The following MIF4GD variants were observed in gnomAD, a reference collection of about 807,000 sequenced individuals.
MIF4GD encodes the protein MIF4G domain-containing protein.
Under a neutral mutation model 26.7 loss-of-function variants are expected in MIF4GD, and 22 were observed. The observed-to-expected ratio is 0.82, with a 90% CI of 0.59 to 1.18. MIF4GD has a LOEUF of 1.18. Among genes scored for constraint, MIF4GD ranks in the 50% most tolerant of loss-of-function variants. The pLI is 0.00. For synonymous variants in MIF4GD, 137 were observed against 111.6 expected (o/e 1.23, Z -1.43); for missense variants, 262 against 279.6 (o/e 0.94, Z 0.45).
At chr17:75,269,453 G>A (rs1242975188) in intron 2 of MIF4GD, 1 of 1,612,966 alleles carries the variant, frequency 6.2e-7, no homozygotes, top group South Asian at 1.1e-5. Context: ...AGGCAACTGT[G>A]CATTCAAGAG....
intron 3 of MIF4GD, 55 bp downstream of exon 3, chr17:75,268,028 C>T (rs2077566434): frequency 1.2e-6 from 2 of 1,606,772 alleles, no homozygotes; most frequent in African/African-American, 1.3e-5. Flanking sequence ...GGCCTTCTGC[C>T]CACTCCTGAA....
chr17:75,268,253 G>T, intron 2 of MIF4GD, 61 bp from the exon 3 acceptor site: 1 of 1,292,654 alleles, frequency 7.7e-7, no homozygotes, highest in Non-Finnish European at 1.1e-6. Context: ...GTGTCCACCC[G>T]CTTCTAAGAA....
chr17:75,269,996 T>C (rs2077671803), intron 2 of MIF4GD, 118 bp downstream of exon 2: 7 of 822,960 alleles, frequency 8.5e-6, no homozygotes, highest in Admixed American at 6.3e-5. Context: ...TGCCGACTCC[T>C]ATCGTCAGAG....
intron 2 of MIF4GD, 72 bp from the exon 3 acceptor site, chr17:75,268,264 T>C (rs1414795756): frequency 1.7e-6 from 2 of 1,177,694 alleles, no homozygotes; most frequent in Non-Finnish European, 2.5e-6. Context: ...CTTCTAAGAA[T>C]TTGAGATATT....
At position 75,266,432 on chromosome 17, in the gene MIF4GD, T is replaced by TTA; in HGVS notation, c.*306_*307dup. On this transcript the variant is annotated 3_prime_UTR_variant, in exon 6 of 6. Coordinates refer to ENST00000325102, the MANE Select transcript of MIF4GD (RefSeq NM_001370592.1). ...CAAAATATCCCACCAGTGGCTATGCTTACCCATTTTACAGATGGGTAAACT... is the reference window on the plus strand; with the variant it reads ...CAAAATATCCCACCAGTGGCTATGCTTATACCCATTTTACAGATGGGTAAACT... 1 of 456,998 alleles carries TTA rather than the reference T, an allele frequency of 2.2e-6. No homozygotes were observed. Among genetic ancestry groups the TTA allele is most frequent in the South Asian group, 2.3e-5 (1 of 43,444 alleles). 28.3% of individuals were successfully genotyped at this position (456,998 alleles called of 1,614,324 possible). A position where few individuals can be genotyped will look rare whatever the true frequency, so the allele number is the denominator to read the frequency against.
rs765118124 is a variant in MIF4GD, at chr17:75,267,539, T to A, written c.440A>T (p.Glu147Val). The A allele has an allele frequency of 6.8e-6, 11 of 1,613,514 alleles. No homozygotes were observed. Among genetic ancestry groups the A allele is most frequent in the Admixed American group, 1.7e-5 (1 of 60,006 alleles). ...TGTGCCAGGGCTGGGGCCACCCACC[T>A]CCTCCTCCTTGCTCAAACTGTCTGG... ...AQPDSLSKEEEVDCLVLQLHR... is the reference protein window; with the variant it reads ...AQPDSLSKEEVVDCLVLQLHR... The change falls in exon 5 of 6, where the codon GAG (glutamate) becomes GTG (valine). Residue 147 changes from glutamate to valine, a missense_variant and splice_region_variant. Transcript: ENST00000325102.
At chr17:75,269,283 G>T in intron 2 of MIF4GD, 1 of 1,592,240 alleles carries the variant, frequency 6.3e-7, no homozygotes, top group Non-Finnish European at 8.6e-7. Flanking sequence ...GGGCCACATA[G>T]GGCCTCCCAA....
intron 2 of MIF4GD, among the ~76,000 whole-genome samples, chr17:75,268,671 C>CAAAAAAAAAAAAA (rs1192409186): frequency 2.1e-5 from 1 of 47,840 alleles, no homozygotes; most frequent in Non-Finnish European, 4.5e-5. Context: ...GACTCCGTCT[C>CAAAAAAAAAAAAA]AAAAAAAAAA....
Position 75,266,720 on chromosome 17 carries a change from G to A in MIF4GD, c.*20C>T. The A allele has an allele frequency of 1.2e-6, 2 of 1,609,776 alleles. No homozygotes were observed. Among genetic ancestry groups the A allele is most frequent in the Non-Finnish European group, 1.7e-6 (2 of 1,176,004 alleles). ...GTAGAAGAAAGGCCAGTGCTGGTGAGGAAGCCCTGATCTGGAGGCCTAGTC... is the reference window on the plus strand; with the variant it reads ...GTAGAAGAAAGGCCAGTGCTGGTGAAGAAGCCCTGATCTGGAGGCCTAGTC... On this transcript the variant is annotated 3_prime_UTR_variant, in exon 6 of 6. Transcript: ENST00000325102.
In MIF4GD at chr17:75,267,622, G is replaced by A; in HGVS notation, c.357C>T (p.Asn119=). ...GGTTCACCAGGGCCATCATGGGCAT[G>A]TTGTTCACCTGTGAGGAAGAGGAGG... ...CNIFDYLRVN[N]MPMMALVNPV... Residue 119 remains asparagine (N), a synonymous_variant, in exon 5 of 6, where the codon AAC becomes AAT. Transcript: ENST00000325102. 6.2e-7 allele frequency: 1 copy of A among 1,613,988 alleles called. No individual in the cohort carries two copies. The highest frequency in any genetic ancestry group is 1.3e-5 in the African/African-American group (1 of 75,072).
intron 5 of MIF4GD, among the ~76,000 whole-genome samples, chr17:75,267,185 C>CCAAACCACTTTTT: frequency 6.6e-6 from 1 of 151,450 alleles, no homozygotes; most frequent in South Asian, 2.1e-4. Context: ...AAGCCTGTCT[C>CCAAACCACTTTTT]CAAACCACTT....
In MIF4GD at chr17:75,270,319, G is replaced by T; in HGVS notation, c.-50-74C>A. 6.0e-6 allele frequency: 5 copies of T among 832,830 alleles called. No homozygotes were observed. Among genetic ancestry groups the T allele is most frequent in the Non-Finnish European group, 9.9e-6 (5 of 504,008 alleles). The allele number at this position is 832,830 out of a possible 1,614,324, so 51.6% of individuals were successfully genotyped here. A position where few individuals can be genotyped will look rare whatever the true frequency, so the allele number is the denominator to read the frequency against. The stretch of plus-strand genomic sequence containing the variant: ...GGGTTCCGTCCTGCAGGCCCTGGAC[G>T]GGGCTGACGGCGCGCTCGGGACAGG... On this transcript the variant is annotated intron_variant, in intron 1 of 5. Transcript: ENST00000325102. This position sits in a 1 kb window ranked among gnomAD's most constrained non-coding sequence, Gnocchi z 5.7.
Position 75,270,265 on chromosome 17 carries a change from G to A in MIF4GD, c.-50-20C>T. The A allele has an allele frequency of 7.1e-7, 1 of 1,402,970 alleles. No individual in the cohort carries two copies. The highest frequency in any genetic ancestry group is 1.0e-6 in the Non-Finnish European group (1 of 990,724). 86.9% of individuals were successfully genotyped at this position (1,402,970 alleles called of 1,614,324 possible). ...CAGCACCTGAGGAGAAGAGGCGAAGGGAGCGGCCTCAGGTGTGGAGCGCAG... is the reference window on the plus strand; with the variant it reads ...CAGCACCTGAGGAGAAGAGGCGAAGAGAGCGGCCTCAGGTGTGGAGCGCAG... On this transcript the variant is annotated intron_variant, in intron 1 of 5. Coordinates refer to ENST00000325102, the MANE Select transcript of MIF4GD (RefSeq NM_001370592.1). This position sits in a 1 kb window ranked among gnomAD's most constrained non-coding sequence, Gnocchi z 5.7.
At position 75,267,796 on chromosome 17, in the gene MIF4GD, C is replaced by A. The variant is rs767558450; in HGVS notation, c.298G>T (p.Gly100Cys). The A allele has an allele frequency of 5.0e-6, 8 of 1,614,056 alleles. No individual in the cohort carries two copies. Among genetic ancestry groups the A allele is most frequent in the Non-Finnish European group, 6.8e-6 (8 of 1,180,016 alleles). ...ATAAAGGTGACATAGCAGACCCAGCCCTGCAGGGAGCGTGCTCGCAGCTGC... is the reference window on the plus strand; with the variant it reads ...ATAAAGGTGACATAGCAGACCCAGCACTGCAGGGAGCGTGCTCGCAGCTGC... ...REQLRARSLQ[G>C]WVCYVTFICN... Residue 100 changes from glycine (G) to cysteine (C), a missense_variant, in exon 4 of 6, where the codon GGC becomes TGC. Physicochemically the swap from Gly to Cys is radical, Grantham distance 159. Transcript: ENST00000325102.
At position 75,270,387 on chromosome 17, in the gene MIF4GD, C is replaced by T; in HGVS notation, c.-50-142G>A. 1.7e-6 allele frequency: 1 copy of T among 586,236 alleles called. No individual in the cohort carries two copies. Among genetic ancestry groups the T allele is most frequent in the Non-Finnish European group, 3.1e-6 (1 of 326,784 alleles). 36.3% of individuals were successfully genotyped at this position (586,236 alleles called of 1,614,324 possible). On this transcript the variant is annotated intron_variant, in intron 1 of 5. Coordinates refer to ENST00000325102, the MANE Select transcript of MIF4GD (RefSeq NM_001370592.1). The surrounding 1 kb of genome is among the most constrained non-coding windows in gnomAD (Gnocchi z 5.7). ...TGGCGTGCGGTGGTTGGCTGAAGGCCCACCAGGCTTGGCTTCTGGTGGGGA... is the reference window on the plus strand; with the variant it reads ...TGGCGTGCGGTGGTTGGCTGAAGGCTCACCAGGCTTGGCTTCTGGTGGGGA...
Position 75,267,638 on chromosome 17 carries a change from G to A in MIF4GD, c.349-8C>T. On this transcript the variant is annotated splice_polypyrimidine_tract_variant and splice_region_variant and intron_variant, in intron 4 of 5. Transcript: ENST00000325102. ...CATGGGCATGTTGTTCACCTGTGAG[G>A]AAGAGGAGGGGTCAGAGCACCAGGC... 6.2e-7 allele frequency: 1 copy of A among 1,614,190 alleles called. No individual in the cohort carries two copies. Among genetic ancestry groups the A allele is most frequent in the Non-Finnish European group, 8.5e-7 (1 of 1,180,006 alleles).
chr17:75,270,229 G>A lies in MIF4GD; in HGVS notation c.-34C>T. ...AGCCCCGGTAGCTCTTGACTGGGCTGGGAATAAGGACAGCACCTGAGGAGA... is the reference window on the plus strand; with the variant it reads ...AGCCCCGGTAGCTCTTGACTGGGCTAGGAATAAGGACAGCACCTGAGGAGA... On this transcript the variant is annotated 5_prime_UTR_variant, in exon 2 of 6. Transcript: ENST00000325102. The surrounding 1 kb of genome is among the most constrained non-coding windows in gnomAD (Gnocchi z 5.7). The A allele has an allele frequency of 6.3e-7, 1 of 1,575,368 alleles. No individual in the cohort carries two copies.
intron 4 of MIF4GD, 53 bp from the exon 5 acceptor site, chr17:75,267,683 G>A: frequency 1.2e-6 from 2 of 1,612,982 alleles, no homozygotes; most frequent in Non-Finnish European, 8.5e-7. Flanking sequence ...AAGGGGAGCA[G>A]TCCAACCTGG....
chr17:75,269,530 C>CTT, intron 2 of MIF4GD: 1 of 800,442 alleles, frequency 1.2e-6, no homozygotes, highest in Non-Finnish European at 1.8e-6. Context: ...GAGCCGTGTT[C>CTT]TTTTTTTTAT....
Sources: allele counts gnomAD v4.1 joint callset (sites outside exome capture counted in the v4.1 genomes callset), GRCh38; gene constraint gnomAD v4.1.1; non-coding constraint Gnocchi (gnomAD v3.1); transcripts MANE v1.5; gene names NCBI Gene and HGNC (gene_info 2026-07-23, HGNC 2026-07-21).